Variants in MAP3K2 observed in about 807,000 individuals in gnomAD.
The protein encoded by MAP3K2 is MAP/ERK kinase kinase 2.
In MAP3K2, 24 loss-of-function variants were observed where a neutral mutation model predicts 80.3. That is an observed-to-expected ratio of 0.30 (90% CI 0.22 to 0.42). The LOEUF is 0.42. Among genes scored for constraint, MAP3K2 ranks in the 10% least tolerant of loss-of-function variants. The probability of loss-of-function intolerance (pLI) is 1.00; values close to 1 mark genes in which losing one functional copy is unlikely to be tolerated. For missense variants in MAP3K2, 608 were observed against 750.1 expected (o/e 0.81, Z 2.21); for synonymous variants, 244 against 253.7 (o/e 0.96, Z 0.36).
At position 127,346,409 on chromosome 2, in the gene MAP3K2, T is replaced by TAAAAAAAA. The variant is rs1223353072; in HGVS notation, c.-65-3216_-65-3215insTTTTTTTT. The stretch of plus-strand genomic sequence containing the variant: ...TTTACAGAATTTACAAAAACTGGTT[T>TAAAAAAAA]TAAAAAAAAAAAAAAAAAAAAAAGA... On this transcript the variant is annotated intron_variant, in intron 1 of 16. Coordinates refer to ENST00000682094, the MANE Select transcript of MAP3K2 (RefSeq NM_001371910.2). 6.9e-3 allele frequency among the ~76,000 whole-genome samples: 590 copies of TAAAAAAAA among 84,996 alleles called. 2 individuals are homozygous for TAAAAAAAA. The highest frequency in any genetic ancestry group is 0.011 in the South Asian group (24 of 2,158). The allele number at this position is 84,996 out of a possible 152,430, so 55.8% of individuals were successfully genotyped here. A position where few individuals can be genotyped will look rare whatever the true frequency, so the allele number is the denominator to read the frequency against.
chr2:127,329,754 G>A (rs996927781), intron 7 of MAP3K2, among the ~76,000 whole-genome samples, 167 bp downstream of exon 7: 1 of 152,090 alleles, frequency 6.6e-6, no homozygotes, highest in African/African-American at 2.4e-5. Context: ...CTGTAAACTT[G>A]AATTTCCAAG....
rs111644999 is a variant in MAP3K2, at chr2:127,336,957, A to G, written c.164+781T>C. 1.3e-3 allele frequency among the ~76,000 whole-genome samples: 195 copies of G among 152,282 alleles called. 1 individual carries two copies. The highest frequency in any genetic ancestry group is 3.4e-3 in the Middle Eastern group (1 of 294). On this transcript the variant is annotated intron_variant, in intron 4 of 16. Coordinates refer to ENST00000682094, the MANE Select transcript of MAP3K2 (RefSeq NM_001371910.2). ...GGAGTTCGAGACCAGCCTGGCCAAC[A>G]TGGTGAAACCCTATCTCGACTAAAA...
rs1203939026 is a variant in MAP3K2 at position 127,339,074 on chromosome 2, T to C, written c.5-24A>G. 4 of 1,379,930 alleles carry C rather than the reference T, an allele frequency of 2.9e-6. No homozygotes were observed. The highest frequency in any genetic ancestry group is 1.2e-5 in the South Asian group (1 of 80,258). 85.5% of individuals were successfully genotyped at this position (1,379,930 alleles called of 1,614,324 possible). A position where few individuals can be genotyped will look rare whatever the true frequency, so the allele number is the denominator to read the frequency against. ...ATCTAGGTAGTTTTGAAACAACACA[T>C]ACATAGAATTGTAATTGTGACATAT... On this transcript the variant is annotated intron_variant, in intron 2 of 16. Transcript: ENST00000682094. The surrounding 1 kb of genome is among the most constrained non-coding windows in gnomAD (Gnocchi z 4.2).
intron 8 of MAP3K2, 24 bp from the exon 9 acceptor site, chr2:127,325,831 A>G (rs1355578851): frequency 6.4e-7 from 1 of 1,556,038 alleles, no homozygotes; most frequent in African/African-American, 1.4e-5. Context: ...GAGTTCCACC[A>G]TGATTCAATT....
chr2:127,355,605 A>C (rs575217843), intron 1 of MAP3K2, among the ~76,000 whole-genome samples: 28 of 152,150 alleles, frequency 1.8e-4, no homozygotes, highest in Non-Finnish European at 3.7e-4. Context: ...CTGCCACTAG[A>C]GGGCCTCCAT....
intron 1 of MAP3K2, among the ~76,000 whole-genome samples, chr2:127,373,284 A>C (rs1247084570): frequency 6.6e-6 from 1 of 152,224 alleles, no homozygotes; most frequent in African/African-American, 2.4e-5. Context: ...ATAACTCTGT[A>C]GCAAAGAATA....
intron 9 of MAP3K2, 21 bp from the exon 10 acceptor site, chr2:127,324,262 A>G (rs1478907037): frequency 4.2e-6 from 6 of 1,444,172 alleles, no homozygotes; most frequent in Non-Finnish European, 5.6e-6. Flanking sequence ...AAAACATCAC[A>G]TTAAGTTTAC....
chr2:127,329,441 C>T (rs1191173671), intron 7 of MAP3K2, among the ~76,000 whole-genome samples: 1 of 150,570 alleles, frequency 6.6e-6, no homozygotes, highest in Non-Finnish European at 1.5e-5. Flanking sequence ...ACTGCAACCT[C>T]CGCCTCCCGG....
intron 1 of MAP3K2, among the ~76,000 whole-genome samples, chr2:127,379,206 A>G (rs548874238): frequency 1.2e-4 from 19 of 152,192 alleles, no homozygotes; most frequent in Middle Eastern, 3.4e-3. Context: ...TTTAAATTTA[A>G]TAAATACTAC....
chr2:127,326,588 G>C, intron 8 of MAP3K2, 99 bp downstream of exon 8: 2 of 785,518 alleles, frequency 2.5e-6, no homozygotes, highest in Non-Finnish European at 3.7e-6. Context: ...TGTAATTAGA[G>C]AAGAGATAAT....
At chr2:127,343,040 T>G in intron 2 of MAP3K2, 86 bp downstream of exon 2, 1 of 995,422 alleles carries the variant, frequency 1.0e-6, no homozygotes, top group Non-Finnish European at 1.5e-6. Context: ...ATAAAAAGGT[T>G]TATAATAACA....
chr2:127,368,879 G>A (rs1219285071), intron 1 of MAP3K2, among the ~76,000 whole-genome samples: 1 of 151,648 alleles, frequency 6.6e-6, no homozygotes, highest in East Asian at 1.9e-4. Flanking sequence ...CAAAGTAGCT[G>A]GCACTACAGG....
rs766543205 is a variant in MAP3K2, at chr2:127,321,469, G to A, written c.1045+577C>T. ...GAATTCAGAGTATGCAAATAGTGCTGCAATAAACATCTTTGAACATGAATC... is the reference window on the plus strand; with the variant it reads ...GAATTCAGAGTATGCAAATAGTGCTACAATAAACATCTTTGAACATGAATC... On this transcript the variant is annotated intron_variant, in intron 12 of 16. Coordinates refer to ENST00000682094, the MANE Select transcript of MAP3K2 (RefSeq NM_001371910.2). The surrounding 1 kb of genome is among the most constrained non-coding windows in gnomAD (Gnocchi z 4.4). Among the ~76,000 whole-genome samples, 24 of 152,202 alleles carry A rather than the reference G, an allele frequency of 1.6e-4. No homozygotes were observed. The highest frequency in any genetic ancestry group is 2.9e-4 in the Non-Finnish European group (20 of 68,042).
At chr2:127,356,084 T>C (rs1686792978) in intron 1 of MAP3K2, among the ~76,000 whole-genome samples, 1 of 152,142 alleles carries the variant, frequency 6.6e-6, no homozygotes, top group African/African-American at 2.4e-5. Flanking sequence ...CTCCTGCTAT[T>C]TCCATCAAAT....
Position 127,310,398 on chromosome 2 carries a change from T to C in MAP3K2, c.1457-1636A>G, listed in dbSNP as rs1685786854. On this transcript the variant is annotated intron_variant, in intron 15 of 16. Transcript: ENST00000682094. The surrounding 1 kb of genome is among the most constrained non-coding windows in gnomAD (Gnocchi z 4.8). ...GTGCAGTGGCACACACCTGTACTCC[T>C]AGCACTTTGGGAGGCAAAGGTGGGT... 6.6e-6 allele frequency among the ~76,000 whole-genome samples: 1 copy of C among 152,168 alleles called. No individual in the cohort carries two copies.
In MAP3K2 at chr2:127,387,572, C is replaced by A. The variant is rs1687392625; in HGVS notation, c.-186G>T. 1 of 984,656 alleles carries A rather than the reference C, an allele frequency of 1.0e-6. No individual in the cohort carries two copies. Among genetic ancestry groups the A allele is most frequent in the Non-Finnish European group, 1.2e-6 (1 of 829,542 alleles). The allele number at this position is 984,656 out of a possible 1,614,324, so 61.0% of individuals were successfully genotyped here. On this transcript the variant is annotated 5_prime_UTR_variant, in exon 1 of 17. Transcript: ENST00000682094. The stretch of plus-strand genomic sequence containing the variant: ...CCCCAGGTCGGGGGCTGCCGCAGGG[C>A]CCCCGGGGACCGGAGGGGCGCGCGA...
chr2:127,325,813 A>G lies in MAP3K2; in HGVS notation c.598-6T>C. ...AAAGATAATGGATCCAGCATCTAGG[A>G]AAAAAAGGAGTTCCACCATGATTCA... On this transcript the variant is annotated splice_region_variant and splice_polypyrimidine_tract_variant and intron_variant, in intron 8 of 16. Transcript: ENST00000682094. The G allele has an allele frequency of 1.9e-6, 3 of 1,597,402 alleles. No individual in the cohort carries two copies. The highest frequency in any genetic ancestry group is 2.6e-6 in the Non-Finnish European group (3 of 1,167,838).
chr2:127,307,953 C>T lies in MAP3K2; in HGVS notation c.1635-149G>A, dbSNP rs991048666. On this transcript the variant is annotated intron_variant, in intron 16 of 16. Coordinates refer to ENST00000682094, the MANE Select transcript of MAP3K2 (RefSeq NM_001371910.2). The surrounding 1 kb of genome is among the most constrained non-coding windows in gnomAD (Gnocchi z 5.4). ...AAGTTTCATTAAAAAGTTCTAATTT[C>T]GTAAAACTAATTTAAACATAAAAAT... 12 of 545,884 alleles carry T rather than the reference C, an allele frequency of 2.2e-5. No individual in the cohort carries two copies. In the South Asian group the frequency reaches 2.4e-4, roughly 11 times the overall value. The allele number at this position is 545,884 out of a possible 1,614,324, so 33.8% of individuals were successfully genotyped here.
At position 127,313,067 on chromosome 2, in the gene MAP3K2, A is replaced by G. The variant is rs189288288; in HGVS notation, c.1456+1687T>C. Among the ~76,000 whole-genome samples the G allele has an allele frequency of 3.9e-5, 6 of 152,204 alleles. No homozygotes were observed. In the East Asian group the frequency reaches 1.2e-3, roughly 29 times the overall value. On this transcript the variant is annotated intron_variant, in intron 15 of 16. Transcript: ENST00000682094. ...TCCTTCTAGGTCATACTTGAATTTT[A>G]CAAACTTAAGATCATATTGCACATC...
Sources: gnomAD v4.1 joint callset for allele counts (sites outside exome capture counted in the v4.1 genomes callset) on GRCh38, gnomAD v4.1.1 for gene constraint, Gnocchi (gnomAD v3.1) non-coding constraint, MANE v1.5 for transcripts, NCBI Gene and HGNC (gene_info 2026-07-23, HGNC 2026-07-21) for gene names.